The following OTUD5 variants were observed in gnomAD, a reference collection of about 807,000 sequenced individuals.
OTUD5 encodes OTU domain-containing protein 5.
In OTUD5, 2 loss-of-function variants were observed where a neutral mutation model predicts 36.3. The observed-to-expected ratio is 0.06, with a 90% CI of 0.02 to 0.17. The LOEUF (loss-of-function observed/expected upper bound fraction) is 0.17. Among genes scored for constraint, OTUD5 ranks in the 10% least tolerant of loss-of-function variants. OTUD5 has a pLI of 1.00. For synonymous variants in OTUD5, 234 were observed against 214.9 expected (o/e 1.09, Z -0.78); for missense variants, 233 against 512.3 (o/e 0.45, Z 5.26).
chrX:48,956,312 C>CGTGT (rs200578681), intron 1 of OTUD5, among the ~76,000 whole-genome samples: 16,415 of 103,917 alleles, frequency 0.16, 1,095 homozygotes, highest in South Asian at 0.33. Flanking sequence ...TTAAAGGGGG[C>CGTGT]GTGTGTGTGT....
intron 1 of OTUD5, among the ~76,000 whole-genome samples, chrX:48,948,951 T>C (rs1557053082): frequency 8.9e-6 from 1 of 111,750 alleles, no homozygotes; most frequent in Non-Finnish European, 1.9e-5. Context: ...CCAAGTGAAG[T>C]TGGAGCAGGC....
intron 1 of OTUD5, among the ~76,000 whole-genome samples, chrX:48,947,887 T>C (rs2064060330): frequency 9.0e-6 from 1 of 111,546 alleles, no homozygotes; most frequent in Admixed American, 9.5e-5. Context: ...ATGAATTCAG[T>C]AGAGCTAAAG....
At chrX:48,946,289 C>T (rs2064028188) in intron 1 of OTUD5, among the ~76,000 whole-genome samples, 1 of 111,962 alleles carries the variant, frequency 8.9e-6, no homozygotes, top group Non-Finnish European at 1.9e-5. Flanking sequence ...GTTGATCTAC[C>T]GGACAGAGCT....
chrX:48,951,870 A>G (rs2064153565), intron 1 of OTUD5, among the ~76,000 whole-genome samples: 1 of 111,389 alleles, frequency 9.0e-6, no homozygotes, highest in African/African-American at 3.3e-5. Context: ...AGCTTTGCCA[A>G]CATGGTGAAA....
At chrX:48,935,298 G>A (rs1242450076) in intron 2 of OTUD5, among the ~76,000 whole-genome samples, 1 of 111,646 alleles carries the variant, frequency 9.0e-6, no homozygotes, top group African/African-American at 3.3e-5. Context: ...GCCACTCAGA[G>A]AAATCAACAA....
intron 1 of OTUD5, among the ~76,000 whole-genome samples, chrX:48,954,866 T>G (rs1039686992): frequency 8.9e-6 from 1 of 112,477 alleles, no homozygotes; most frequent in Non-Finnish European, 1.9e-5. Context: ...CCCCAGGACC[T>G]GACAATCTTC....
At chrX:48,941,872 A>C (rs1423482352) in intron 2 of OTUD5, among the ~76,000 whole-genome samples, 3 of 111,901 alleles carry the variant, frequency 2.7e-5, no homozygotes, top group African/African-American at 9.8e-5. Flanking sequence ...CTCTGCACCA[A>C]GGAAACCTCC....
chrX:48,931,759 AC>A (rs1486842485), intron 5 of OTUD5, among the ~76,000 whole-genome samples: 1 of 106,426 alleles, frequency 9.4e-6, no homozygotes, highest in Non-Finnish European at 1.9e-5. Context: ...AGCCTGGGTA[AC>A]AGAGAGAAAC....
intron 1 of OTUD5, among the ~76,000 whole-genome samples, chrX:48,949,277 G>A (rs370868953): frequency 2.7e-5 from 3 of 112,145 alleles, no homozygotes; most frequent in African/African-American, 6.5e-5. Context: ...GCCAGGCGTC[G>A]TGGCTCATGC....
chrX:48,936,713 A>G (rs2063835543), intron 2 of OTUD5, among the ~76,000 whole-genome samples: 1 of 112,262 alleles, frequency 8.9e-6, no homozygotes, highest in African/African-American at 3.2e-5. Flanking sequence ...AGTAAAGGAA[A>G]TCAGGAAAAG....
intron 1 of OTUD5, among the ~76,000 whole-genome samples, 164 bp downstream of exon 1, chrX:48,956,813 G>A (rs1156558399): frequency 1.8e-5 from 2 of 111,166 alleles, no homozygotes; most frequent in Non-Finnish European, 3.8e-5. Flanking sequence ...TCCTGGAGGG[G>A]AGGAAAGAAG....
intron 1 of OTUD5, among the ~76,000 whole-genome samples, chrX:48,954,690 G>T (rs1336360400): frequency 8.9e-6 from 1 of 111,775 alleles, no homozygotes. Context: ...AATTTCCCCA[G>T]AGTGGCGATG....
chrX:48,951,682 A>G lies in OTUD5; in HGVS notation c.594+5295T>C, dbSNP rs186493548. Among the ~76,000 whole-genome samples the G allele has an allele frequency of 2.7e-5, 3 of 111,658 alleles. No individual in the cohort carries two copies. In the East Asian group the frequency reaches 8.5e-4, roughly 31 times the overall value. On this transcript the variant is annotated intron_variant, in intron 1 of 8. Coordinates refer to ENST00000376488, the MANE Select transcript of OTUD5 (RefSeq NM_001136157.2). Reference sequence around the variant, plus strand: ...GACACACTACTCTCTAAGGACCAACACAAGCCCTCCAGGGCAGAAGGGGAG... The same window carrying G: ...GACACACTACTCTCTAAGGACCAACGCAAGCCCTCCAGGGCAGAAGGGGAG...
chrX:48,935,065 A>G, intron 2 of OTUD5, 47 bp from the exon 3 acceptor site: 1 of 1,079,308 alleles, frequency 9.3e-7, no homozygotes, highest in Non-Finnish European at 1.3e-6. Flanking sequence ...GATGCCAGAG[A>G]AGAGCTCTGA....
chrX:48,948,426 C>T (rs2064070856), intron 1 of OTUD5, among the ~76,000 whole-genome samples: 1 of 112,358 alleles, frequency 8.9e-6, no homozygotes, highest in African/African-American at 3.2e-5. Flanking sequence ...AGTTTGGATA[C>T]CAGCAAAGCC....
Position 48,957,142 on chromosome X carries a change from G to T in OTUD5, c.429C>A (p.Cys143Ter). The T allele has an allele frequency of 8.6e-7, 1 of 1,162,653 alleles. No homozygotes were observed. Residue 143 changes from cysteine (C) to a stop codon, truncating the protein, a stop_gained, in exon 1 of 9, where the codon TGC becomes TGA. Transcript: ENST00000376488. LOFTEE classifies it high-confidence loss of function. The stretch of plus-strand genomic sequence containing the variant: ...GCCGCTTGCTGTGCCCAGGCCCGGA[G>T]CAGCAGCCGCCCACGCCTACGGCAC... Reference protein sequence around the residue: ...VGGAVGVGGCCSGPGHSKRRR... With the variant: ...VGGAVGVGGC
rs1174208334 is a variant in OTUD5 at position 48,932,066 on chromosome X, T to C, written c.1059+2398A>G. 1.5e-4 allele frequency among the ~76,000 whole-genome samples: 16 copies of C among 105,270 alleles called. No individual in the cohort carries two copies. The Admixed American group carries it at 1.6e-3, about 10-fold the overall frequency. The allele number at this position is 105,270 out of a possible 115,157, so 91.4% of individuals were successfully genotyped here. A position where few individuals can be genotyped will look rare whatever the true frequency, so the allele number is the denominator to read the frequency against. On this transcript the variant is annotated intron_variant, in intron 5 of 8. Coordinates refer to ENST00000376488, the MANE Select transcript of OTUD5 (RefSeq NM_001136157.2). The stretch of plus-strand genomic sequence containing the variant: ...CGGGAGGCTGAGGCAAGAGAATTGC[T>C]TGAACCCGGGAGGCAGAGGTTGCAG...
intron 5 of OTUD5, among the ~76,000 whole-genome samples, chrX:48,933,629 G>A (rs1339896002): frequency 8.1e-5 from 9 of 110,945 alleles, no homozygotes; most frequent in African/African-American, 2.3e-4. Flanking sequence ...TGTTAGCCAG[G>A]CTGGTCTTGA....
chrX:48,957,780 G>A (rs1268461499), upstream of OTUD5: 4 of 787,261 alleles, frequency 5.1e-6, no homozygotes, highest in African/African-American at 6.9e-5. Flanking sequence ...GCCGAGAGGA[G>A]AACCCGGATG....
Sources: gnomAD v4.1 joint callset for allele counts (sites outside exome capture counted in the v4.1 genomes callset) on GRCh38, gnomAD v4.1.1 for gene constraint, MANE v1.5 for transcripts, NCBI Gene and HGNC (gene_info 2026-07-23, HGNC 2026-07-21) for gene names.